Variants in GNG12 observed in about 807,000 individuals in gnomAD.
The protein encoded by GNG12 is guanine nucleotide-binding protein G(I)/G(S)/G(O) subunit gamma-12.
For missense variants in GNG12, 69 were observed against 83.8 expected (o/e 0.82, Z 0.69); for synonymous variants, 28 against 29.7 (o/e 0.94, Z 0.19).
intron 2 of GNG12, among the ~76,000 whole-genome samples, chr1:67,709,842 GTATATATATTTA>G (rs1234001816): frequency 8.7e-6 from 1 of 115,368 alleles, no homozygotes; most frequent in Non-Finnish European, 1.7e-5. Flanking sequence ...ATATATATTT[GTATATATATTTA>G]TATATATATA....
At chr1:67,711,874 G>A (rs1646297647) in intron 2 of GNG12, among the ~76,000 whole-genome samples, 1 of 152,176 alleles carries the variant, frequency 6.6e-6, no homozygotes, top group Non-Finnish European at 1.5e-5. Flanking sequence ...CACTGGAAAG[G>A]AAGATAATTT....
At position 67,806,062 on chromosome 1, in the gene GNG12, G is replaced by A. The variant is rs148625488; in HGVS notation, c.-77+27282C>T. Among the ~76,000 whole-genome samples, 659 of 151,802 alleles carry A rather than the reference G, an allele frequency of 4.3e-3. 8 individuals carry two copies. Among genetic ancestry groups the A allele is most frequent in the African/African-American group, 0.015 (634 of 41,352 alleles). The stretch of plus-strand genomic sequence containing the variant: ...GAAAAATTATCCTTCAAAAATAAAA[G>A]AGAAATAAAAATGTTCTCAGATTAA... On this transcript the variant is annotated intron_variant, in intron 1 of 3. Transcript: ENST00000370982.
chr1:67,783,769 C>T (rs962998510), intron 1 of GNG12, among the ~76,000 whole-genome samples: 6 of 152,060 alleles, frequency 3.9e-5, no homozygotes, highest in South Asian at 4.2e-4. Flanking sequence ...CAATGAGATA[C>T]CATCTCACAC....
At chr1:67,770,728 C>G (rs999847117) in intron 2 of GNG12, among the ~76,000 whole-genome samples, 2 of 152,122 alleles carry the variant, frequency 1.3e-5, no homozygotes, top group Non-Finnish European at 2.9e-5. Context: ...GTCCCCTTTC[C>G]CTGTCTGCCA....
intron 1 of GNG12, among the ~76,000 whole-genome samples, chr1:67,792,969 G>T (rs1337191312): frequency 6.6e-6 from 1 of 152,002 alleles, no homozygotes; most frequent in East Asian, 1.9e-4. Flanking sequence ...AGCTCCCAGG[G>T]GACAGTCGTT....
At chr1:67,734,014 A>G (rs1188245501) in intron 2 of GNG12, among the ~76,000 whole-genome samples, 2 of 152,178 alleles carry the variant, frequency 1.3e-5, no homozygotes, top group African/African-American at 4.8e-5. Flanking sequence ...CGGTTTGCAC[A>G]GGCAGCTGCC....
At chr1:67,709,987 G>T (rs1273851042) in intron 2 of GNG12, among the ~76,000 whole-genome samples, 3 of 18,228 alleles carry the variant, frequency 1.6e-4, no homozygotes, top group Admixed American at 9.4e-4. Context: ...TATATATATA[G>T]TTATATATAT....
chr1:67,747,593 A>T (rs560628044), intron 2 of GNG12, among the ~76,000 whole-genome samples: 5 of 152,370 alleles, frequency 3.3e-5, no homozygotes, highest in East Asian at 1.9e-4. Flanking sequence ...GGGCTATTTT[A>T]AAAAAGCTTT....
intron 2 of GNG12, among the ~76,000 whole-genome samples, chr1:67,743,288 C>A (rs1646492708): frequency 6.6e-6 from 1 of 152,136 alleles, no homozygotes. Context: ...TGCACTGAAG[C>A]TAGTACCTGA....
chr1:67,817,185 T>A (rs1428188163), intron 1 of GNG12, among the ~76,000 whole-genome samples: 3 of 152,232 alleles, frequency 2.0e-5, no homozygotes, highest in Admixed American at 6.5e-5. Context: ...CTGAATAGCA[T>A]GCTACTGGGA....
chr1:67,707,196 G>T (rs540312930), intron 3 of GNG12, among the ~76,000 whole-genome samples: 1 of 152,314 alleles, frequency 6.6e-6, no homozygotes, highest in South Asian at 2.1e-4. Context: ...CTAGACTGCT[G>T]ACTTCTTACG....
At chr1:67,749,315 AATT>A (rs1379170870) in intron 2 of GNG12, among the ~76,000 whole-genome samples, 2 of 152,100 alleles carry the variant, frequency 1.3e-5, no homozygotes, top group African/African-American at 2.4e-5. Context: ...ATTAGGGTAA[AATT>A]ATTATTTTAA....
In GNG12 at chr1:67,795,022, AC is replaced by A. The variant is rs570947098; in HGVS notation, c.-76-17516del. On this transcript the variant is annotated intron_variant, in intron 1 of 3. Coordinates refer to ENST00000370982, the MANE Select transcript of GNG12 (RefSeq NM_018841.6). ...CGATACCCATTTTAGAGATAAGGAC[AC>A]AGGGGTACAGGGTTTCAATGTTTTT... Among the ~76,000 whole-genome samples, 50 of 152,334 alleles carry A rather than the reference AC, an allele frequency of 3.3e-4. 1 individual carries two copies. In the South Asian group the frequency reaches 8.9e-3, roughly 27 times the overall value.
At chr1:67,775,040 C>G (rs1004870909) in intron 2 of GNG12, among the ~76,000 whole-genome samples, 6 of 152,218 alleles carry the variant, frequency 3.9e-5, no homozygotes, top group African/African-American at 1.4e-4. Flanking sequence ...AATCCCACCA[C>G]TACCATTTGA....
chr1:67,818,841 C>T (rs1267926848), intron 1 of GNG12, among the ~76,000 whole-genome samples: 1 of 152,084 alleles, frequency 6.6e-6, no homozygotes, highest in Non-Finnish European at 1.5e-5. Context: ...ATTATCACAC[C>T]CGTTTCAGAG....
intron 1 of GNG12, among the ~76,000 whole-genome samples, chr1:67,817,542 AG>A (rs1646959794): frequency 6.6e-6 from 1 of 151,358 alleles, no homozygotes; most frequent in Non-Finnish European, 1.5e-5. Context: ...TGATCTCCCC[AG>A]TGCCTTGCCC....
At chr1:67,789,040 G>A (rs1646785764) in intron 1 of GNG12, among the ~76,000 whole-genome samples, 1 of 152,200 alleles carries the variant, frequency 6.6e-6, no homozygotes, top group South Asian at 2.1e-4. Flanking sequence ...CAGAGCTGAG[G>A]CACACAGTTC....
chr1:67,823,926 T>C (rs919520066), intron 1 of GNG12, among the ~76,000 whole-genome samples: 4 of 152,158 alleles, frequency 2.6e-5, no homozygotes, highest in Admixed American at 6.5e-5. Flanking sequence ...AAATAAACCA[T>C]GGTACATCCA....
intron 1 of GNG12, among the ~76,000 whole-genome samples, chr1:67,816,975 A>G: frequency 6.6e-6 from 1 of 152,236 alleles, no homozygotes; most frequent in East Asian, 1.9e-4. Flanking sequence ...TGAAAAGTGC[A>G]AAGTGCTTTA....
Sources: allele counts gnomAD v4.1 joint callset (sites outside exome capture counted in the v4.1 genomes callset), GRCh38; gene constraint gnomAD v4.1.1; transcripts MANE v1.5; gene names NCBI Gene and HGNC (gene_info 2026-07-23, HGNC 2026-07-21).